The following NOS1 variants were observed in gnomAD, a reference collection of about 807,000 sequenced individuals.
NOS1 encodes NOS type I.
NOS1 carries 51 observed loss-of-function variants against 164.5 expected under a neutral mutation model. The observed-to-expected ratio is 0.31, with a 90% confidence interval of 0.25 to 0.39. NOS1 has a LOEUF of 0.39. Among genes scored for constraint, NOS1 ranks in the 10% least tolerant of loss-of-function variants. The probability of loss-of-function intolerance (pLI) is 1.00; values close to 1 mark genes in which losing one functional copy is unlikely to be tolerated. For synonymous variants in NOS1, 719 were observed against 745.8 expected (o/e 0.96, Z 0.59); for missense variants, 1,362 against 1,885.6 (o/e 0.72, Z 5.14).
At position 117,247,344 on chromosome 12, in the gene NOS1, T is replaced by A. The variant is rs1870699888; in HGVS notation, c.2823+4A>T. The A allele has an allele frequency of 6.3e-7, 1 of 1,589,714 alleles. No individual in the cohort carries two copies. Among genetic ancestry groups the A allele is most frequent in the Non-Finnish European group, 8.6e-7 (1 of 1,168,474 alleles). On this transcript the variant is annotated splice_donor_region_variant and intron_variant, in intron 18 of 28. Coordinates refer to ENST00000317775, the MANE Select transcript of NOS1 (RefSeq NM_000620.5). The stretch of plus-strand genomic sequence containing the variant: ...TTCCTGTAGGTCCATGAGATCCAGA[T>A]TACCTTGAAGACCTTCTTGGCCCAG...
intron 3 of NOS1, among the ~76,000 whole-genome samples, chr12:117,305,830 T>C (rs1043169615): frequency 2.0e-5 from 3 of 151,498 alleles, no homozygotes; most frequent in African/African-American, 7.3e-5. Context: ...CTCACTCTCT[T>C]GCCTAGGCTG....
chr12:117,216,440 C>T (rs553434713), intron 28 of NOS1, among the ~76,000 whole-genome samples: 3 of 152,066 alleles, frequency 2.0e-5, no homozygotes, highest in South Asian at 2.1e-4. Context: ...CCTCAGCCTC[C>T]CGAAGTGCTG....
chr12:117,226,639 G>A (rs1472479949), intron 24 of NOS1, 44 bp downstream of exon 24: 2 of 1,567,132 alleles, frequency 1.3e-6, no homozygotes, highest in South Asian at 1.1e-5. Context: ...ACGTCAATAT[G>A]CAGATTTGAG....
intron 9 of NOS1, among the ~76,000 whole-genome samples, chr12:117,275,912 T>C (rs548842432): frequency 2.0e-5 from 3 of 152,326 alleles, no homozygotes; most frequent in Non-Finnish European, 4.4e-5. Flanking sequence ...TGCCTCACGG[T>C]GGATGTCCTT....
intron 7 of NOS1, among the ~76,000 whole-genome samples, chr12:117,282,887 T>C (rs756367503): frequency 3.9e-5 from 6 of 152,016 alleles, no homozygotes; most frequent in Non-Finnish European, 5.9e-5. Flanking sequence ...GCCTACTCTA[T>C]GTGCAGAAAC....
chr12:117,250,730 GGACT>G (rs1332117224), intron 17 of NOS1, among the ~76,000 whole-genome samples: 1 of 152,074 alleles, frequency 6.6e-6, no homozygotes, highest in African/African-American at 2.4e-5. Context: ...GACTGGGTGT[GGACT>G]GACTGGAGGG....
intron 2 of NOS1, among the ~76,000 whole-genome samples, chr12:117,329,382 G>C (rs1016493222): frequency 6.6e-6 from 1 of 152,068 alleles, no homozygotes; most frequent in Non-Finnish European, 1.5e-5. Context: ...AGTGCTCTGA[G>C]GACACTTTGG....
Position 117,330,911 on chromosome 12 carries a change from C to T in NOS1, c.159G>A (p.Glu53=), listed in dbSNP as rs1224428669. The T allele has an allele frequency of 1.2e-6, 2 of 1,614,196 alleles. No individual in the cohort carries two copies. The highest frequency in any genetic ancestry group is 2.2e-5 in the East Asian group (1 of 44,864). The change falls in exon 2 of 29, where the codon GAG becomes GAA. Residue 53 remains glutamate, a synonymous_variant. Coordinates refer to ENST00000317775, the MANE Select transcript of NOS1 (RefSeq NM_000620.5). This position sits in a 1 kb window ranked among gnomAD's most constrained non-coding sequence, Gnocchi z 4.6. ...ISDLIRGGAA[E]QSGLIQAGDI... Reference sequence around the variant, plus strand: ...CTCCGGCCTGGATGAGGCCACTCTGCTCTGCGGCGCCCCCACGAATCAGGT... The same window carrying T: ...CTCCGGCCTGGATGAGGCCACTCTGTTCTGCGGCGCCCCCACGAATCAGGT...
intron 1 of NOS1, among the ~76,000 whole-genome samples, chr12:117,338,828 C>T (rs1287411485): frequency 6.6e-6 from 1 of 152,104 alleles, no homozygotes; most frequent in Non-Finnish European, 1.5e-5. Flanking sequence ...CAAAACCCAG[C>T]CTGCCTGTGA....
At chr12:117,229,540 A>T (rs1354978235) in intron 22 of NOS1, among the ~76,000 whole-genome samples, 1 of 149,740 alleles carries the variant, frequency 6.7e-6, no homozygotes, top group Non-Finnish European at 1.5e-5. Context: ...ATGAACTAAT[A>T]CATATGGGTT....
intron 3 of NOS1, among the ~76,000 whole-genome samples, chr12:117,295,997 T>C (rs2136034401): frequency 6.6e-6 from 1 of 152,170 alleles, no homozygotes; most frequent in Admixed American, 6.5e-5. Flanking sequence ...CCATGCTTTG[T>C]TTTCCCCATA....
At chr12:117,286,563 C>T (rs940371496) in intron 5 of NOS1, among the ~76,000 whole-genome samples, 2 of 152,102 alleles carry the variant, frequency 1.3e-5, no homozygotes, top group African/African-American at 4.8e-5. Flanking sequence ...TGTCACCTGA[C>T]AGGAGTGGGG....
chr12:117,222,797 C>T lies in NOS1; in HGVS notation c.3893G>A (p.Arg1298Lys). 6.2e-7 allele frequency: 1 copy of T among 1,613,988 alleles called. No individual in the cohort carries two copies. Among genetic ancestry groups the T allele is most frequent in the Non-Finnish European group, 8.5e-7 (1 of 1,179,982 alleles). The change falls in exon 26 of 29, where the codon AGG becomes AAG. Residue 1298 changes from arginine to lysine, a missense_variant. Coordinates refer to ENST00000317775, the MANE Select transcript of NOS1 (RefSeq NM_000620.5). ...GTTCTTGGCCTGCAGGGTCTCTTCC[C>T]TGTAGATATGATCTATCTTGGATTG... ...CRQSKIDHIY[R>K]EETLQAKNKG... is the part of the protein sequence containing the mutation.
In NOS1 at chr12:117,213,554, C is replaced by T; in HGVS notation, c.*1755G>A. 1.0e-6 allele frequency: 1 copy of T among 985,478 alleles called. No individual in the cohort carries two copies. The highest frequency in any genetic ancestry group is 1.2e-6 in the Non-Finnish European group (1 of 829,958). 61.0% of individuals were successfully genotyped at this position (985,478 alleles called of 1,614,324 possible). A position where few individuals can be genotyped will look rare whatever the true frequency, so the allele number is the denominator to read the frequency against. On this transcript the variant is annotated 3_prime_UTR_variant, in exon 29 of 29. Coordinates refer to ENST00000317775, the MANE Select transcript of NOS1 (RefSeq NM_000620.5). ...GTCATAGATTGCCTTTTCACTTTAA[C>T]AGTCTCCTGGCCTGGGCCCTTTGGG...
rs1291601821 is a variant in NOS1 at position 117,268,063 on chromosome 12, C to T, written c.1921G>A (p.Ala641Thr). The T allele has an allele frequency of 3.7e-6, 6 of 1,613,524 alleles. No individual in the cohort carries two copies. Among genetic ancestry groups the T allele is most frequent in the African/African-American group, 1.3e-5 (1 of 74,868 alleles). The stretch of plus-strand genomic sequence containing the variant: ...GTTACCTGGAAGCTATAGAGAACCG[C>T]GATATTGATCTCCACCAGCGCCTGG... ...KDQALVEINI[A>T]VLYSFQSDKV... The change falls in exon 11 of 29, where the codon GCG (alanine) becomes ACG (threonine). Residue 641 changes from alanine to threonine, a missense_variant. This residue lies in a region of NOS1 where 134 missense variants were observed against 267.3 expected (regional missense o/e 0.50). Coordinates refer to ENST00000317775, the MANE Select transcript of NOS1 (RefSeq NM_000620.5).
intron 3 of NOS1, chr12:117,305,048 C>T: frequency 3.0e-6 from 3 of 985,448 alleles, no homozygotes; most frequent in Non-Finnish European, 3.6e-6. Context: ...CAACCCCCAC[C>T]TATCCCTTCC....
chr12:117,226,399 T>C (rs1294893562), intron 24 of NOS1, among the ~76,000 whole-genome samples: 1 of 152,188 alleles, frequency 6.6e-6, no homozygotes, highest in Non-Finnish European at 1.5e-5. Context: ...AGGTGGAGAC[T>C]GTATTTGCAT....
chr12:117,329,800 T>G (rs1316661215), intron 2 of NOS1, among the ~76,000 whole-genome samples: 1 of 152,192 alleles, frequency 6.6e-6, no homozygotes, highest in Admixed American at 6.5e-5. Context: ...TTTGATTCCC[T>G]TCTACTCCTT....
At chr12:117,352,744 GT>G (rs1164957037) in intron 1 of NOS1, among the ~76,000 whole-genome samples, 1 of 152,164 alleles carries the variant, frequency 6.6e-6, no homozygotes, top group African/African-American at 2.4e-5. Context: ...GTGTTCATGA[GT>G]GTGCGTATAT....
Sources: gnomAD v4.1 joint callset for allele counts (sites outside exome capture counted in the v4.1 genomes callset) on GRCh38, gnomAD v4.1.1 for gene constraint, gnomAD v4.1.1 regional missense constraint, Gnocchi (gnomAD v3.1) non-coding constraint, MANE v1.5 for transcripts, NCBI Gene and HGNC (gene_info 2026-07-23, HGNC 2026-07-21) for gene names.